Variants in DOCK1 observed in about 807,000 individuals in gnomAD.
The protein encoded by DOCK1 is dedicator of cytokinesis protein 1.
DOCK1 carries 138 observed loss-of-function variants against 262.7 expected under a neutral mutation model. The ratio of observed to expected loss-of-function variants is 0.53; its 90% CI spans 0.46 to 0.61. DOCK1 has a LOEUF of 0.61. Among genes scored for constraint, DOCK1 ranks in the 20% least tolerant of loss-of-function variants. The pLI, the probability that DOCK1 is intolerant of heterozygous loss-of-function variation, is 0.00. For synonymous variants in DOCK1, 866 were observed against 867.4 expected (o/e 1.00, Z 0.03); for missense variants, 1,908 against 2,370.7 (o/e 0.80, Z 4.05).
At chr10:126,969,795 G>A (rs2037958500) in intron 1 of DOCK1, among the ~76,000 whole-genome samples, 1 of 152,112 alleles carries the variant, frequency 6.6e-6, no homozygotes, top group Non-Finnish European at 1.5e-5. Flanking sequence ...TGCCAGAGGA[G>A]TTTGCACATG....
intron 29 of DOCK1, among the ~76,000 whole-genome samples, chr10:127,297,012 G>C (rs2135405615): frequency 6.6e-6 from 1 of 152,328 alleles, no homozygotes; most frequent in East Asian, 1.9e-4. Flanking sequence ...TGTGGAATCA[G>C]GGAGGCCAGC....
chr10:127,175,439 A>G lies in DOCK1; in HGVS notation c.2847+47675A>G, dbSNP rs2055000966. ...GGGTGTGAGTCTGCGACGGCTGCTC[A>G]CTACATTCGGGGGACAGGCACTGCA... is the stretch of plus-strand genomic sequence containing the variant. On this transcript the variant is annotated intron_variant, in intron 27 of 51. Transcript: ENST00000623213. This position sits in a 1 kb window ranked among gnomAD's most constrained non-coding sequence, Gnocchi z 6.3. 1 of 1,612,466 alleles carries G rather than the reference A, an allele frequency of 6.2e-7. No homozygotes were observed. Among genetic ancestry groups the G allele is most frequent in the Admixed American group, 1.7e-5 (1 of 60,016 alleles).
At chr10:127,051,144 C>A (rs1300516017) in intron 21 of DOCK1, among the ~76,000 whole-genome samples, 1 of 151,758 alleles carries the variant, frequency 6.6e-6, no homozygotes, top group Non-Finnish European at 1.5e-5. Context: ...AGTGTGTAAA[C>A]TTTTTTATCA....
chr10:127,449,966 G>GGTATCAGGCTGTGTTA (rs2070848062), intron 51 of DOCK1, among the ~76,000 whole-genome samples: 1 of 152,122 alleles, frequency 6.6e-6, no homozygotes, highest in Non-Finnish European at 1.5e-5. Flanking sequence ...GCGCTGTGTT[G>GGTATCAGGCTGTGTTA]GTATCAGGCT....
At chr10:127,314,867 C>T (rs2062206663) in intron 29 of DOCK1, among the ~76,000 whole-genome samples, 1 of 152,230 alleles carries the variant, frequency 6.6e-6, no homozygotes, top group Non-Finnish European at 1.5e-5. Flanking sequence ...TTGTAACACA[C>T]AGTAGCAGTG....
intron 27 of DOCK1, among the ~76,000 whole-genome samples, chr10:127,146,973 G>A (rs186157489): frequency 6.6e-6 from 1 of 152,220 alleles, no homozygotes; most frequent in Admixed American, 6.5e-5. Flanking sequence ...AATCAGTGAA[G>A]TGCCAGTGTG....
rs889229055 is a variant in DOCK1, at chr10:127,176,188, C to G, written c.2847+48424C>G. On this transcript the variant is annotated intron_variant, in intron 27 of 51. Transcript: ENST00000623213. This position sits in a 1 kb window ranked among gnomAD's most constrained non-coding sequence, Gnocchi z 4.4. ...ACGGGCTTGGCCTCCCGCTTCTCCC[C>G]CAGCTGGCCCGAGGACAGCTGTGTG... The G allele has an allele frequency of 9.3e-6, 15 of 1,614,138 alleles. No homozygotes were observed. The highest frequency in any genetic ancestry group is 1.3e-5 in the Non-Finnish European group (15 of 1,180,032).
Position 127,054,726 on chromosome 10 carries a change from G to A in DOCK1, c.2336+1911G>A, listed in dbSNP as rs1389689528. Among the ~76,000 whole-genome samples the A allele has an allele frequency of 2.0e-5, 3 of 152,132 alleles. No homozygotes were observed. The South Asian group carries it at 6.2e-4, about 32-fold the overall frequency. On this transcript the variant is annotated intron_variant, in intron 22 of 51. Transcript: ENST00000623213. ...GGGTGGGAGGATGAACTTGAAAGAT[G>A]TTACAGATTTTTGTCATGTTTTATT... is the stretch of plus-strand genomic sequence containing the variant.
rs1244790249 is a variant in DOCK1, at chr10:127,012,296, G to C, written c.1123G>C (p.Val375Leu). 1 of 1,614,010 alleles carries C rather than the reference G, an allele frequency of 6.2e-7. No individual in the cohort carries two copies. Among genetic ancestry groups the C allele is most frequent in the Admixed American group, 1.7e-5 (1 of 60,020 alleles). ...CATGTCATCCCGTTTTTCACCCAGG[G>C]TGGCAGGGGAGAATGACTTCCTTCA... ...LNMSSRFSPR[V>L]AGENDFLQTV... Residue 375 changes from valine to leucine, a missense_variant, in exon 12 of 52, where the codon GTG becomes CTG. Val to Leu is a conservative substitution (Grantham distance 32). Transcript: ENST00000623213. The surrounding 1 kb of genome is among the most constrained non-coding windows in gnomAD (Gnocchi z 4.0).
At chr10:127,024,658 G>A (rs749159357) in intron 14 of DOCK1, 27 bp from the exon 15 acceptor site, 23 of 1,586,852 alleles carry the variant, frequency 1.4e-5, no homozygotes, top group Middle Eastern at 1.7e-4. Context: ...GAGGTCTTAC[G>A]TGAGCTCTTT....
intron 32 of DOCK1, among the ~76,000 whole-genome samples, chr10:127,355,116 A>G (rs2064079260): frequency 6.6e-6 from 1 of 152,168 alleles, no homozygotes; most frequent in African/African-American, 2.4e-5. Context: ...TCTGCCTTCT[A>G]AAGGGTTAAT....
intron 27 of DOCK1, among the ~76,000 whole-genome samples, chr10:127,189,641 T>C (rs2056568248): frequency 1.3e-5 from 2 of 152,178 alleles, no homozygotes; most frequent in Non-Finnish European, 2.9e-5. Flanking sequence ...CAGTAAGTAA[T>C]TGAGAAATGC....
rs1208080470 is a variant in DOCK1 at position 126,918,879 on chromosome 10, GCAGGTGGGCACGGAGGATTCGGA to G, written c.46+13336_46+13358del. Reference sequence around the variant, plus strand: ...CCAACGACTTGGTCTGGCAGGGTGTGCAGGTGGGCACGGAGGATTCGGACAGGTGGGCACGGAGGATTTGGAGG... The same window carrying G: ...CCAACGACTTGGTCTGGCAGGGTGTGCAGGTGGGCACGGAGGATTTGGAGG... On this transcript the variant is annotated intron_variant, in intron 1 of 51. Coordinates refer to ENST00000623213, the MANE Select transcript of DOCK1 (RefSeq NM_001290223.2). 8.3e-4 allele frequency among the ~76,000 whole-genome samples: 92 copies of G among 110,688 alleles called. 2 individuals are homozygous for G. The highest frequency in any genetic ancestry group is 1.6e-3 in the South Asian group (5 of 3,208). The allele number at this position is 110,688 out of a possible 152,430, so 72.6% of individuals were successfully genotyped here.
At chr10:127,421,626 A>G (rs1038663708) in intron 46 of DOCK1, among the ~76,000 whole-genome samples, 10 of 151,952 alleles carry the variant, frequency 6.6e-5, no homozygotes, top group African/African-American at 2.4e-4. Flanking sequence ...CGACTTCCCC[A>G]TTCCTCCCTC....
chr10:127,451,575 T>A lies in DOCK1; in HGVS notation c.*148T>A. ...CTTTTTCTTCAAAGGAGTTCAGTTC[T>A]CACCATGGAGTGAGTGGCCTTTAGC... On this transcript the variant is annotated 3_prime_UTR_variant, in exon 52 of 52. Transcript: ENST00000623213. 6.7e-7 allele frequency: 1 copy of A among 1,492,826 alleles called. No homozygotes were observed. The highest frequency in any genetic ancestry group is 8.9e-7 in the Non-Finnish European group (1 of 1,120,948). 92.5% of individuals were successfully genotyped at this position (1,492,826 alleles called of 1,614,324 possible). A position where few individuals can be genotyped will look rare whatever the true frequency, so the allele number is the denominator to read the frequency against.
chr10:127,021,969 A>G (rs2042459141), intron 13 of DOCK1, among the ~76,000 whole-genome samples: 1 of 152,144 alleles, frequency 6.6e-6, no homozygotes, highest in African/African-American at 2.4e-5. Context: ...GCGGGTGGTC[A>G]GGGCGTGGGA....
intron 29 of DOCK1, among the ~76,000 whole-genome samples, chr10:127,304,176 A>G (rs766398558): frequency 3.1e-4 from 47 of 152,262 alleles, no homozygotes; most frequent in Non-Finnish European, 5.7e-4. Context: ...TACAAGGCAC[A>G]CAGGATGGGG....
At chr10:126,981,678 T>TAA (rs1227472665) in intron 3 of DOCK1, among the ~76,000 whole-genome samples, 1 of 152,230 alleles carries the variant, frequency 6.6e-6, no homozygotes, top group Non-Finnish European at 1.5e-5. Flanking sequence ...TGTATCTTTG[T>TAA]GGACTTTTTC....
chr10:126,946,510 C>T (rs1356077097), intron 1 of DOCK1, among the ~76,000 whole-genome samples: 7 of 152,160 alleles, frequency 4.6e-5, no homozygotes, highest in Admixed American at 3.9e-4. Flanking sequence ...CGCAGCACTA[C>T]ACTCCAGTCT....
Sources: allele counts gnomAD v4.1 joint callset (sites outside exome capture counted in the v4.1 genomes callset), GRCh38; gene constraint gnomAD v4.1.1; non-coding constraint Gnocchi (gnomAD v3.1); transcripts MANE v1.5; gene names NCBI Gene and HGNC (gene_info 2026-07-23, HGNC 2026-07-21).